The following GRIA2 variants were observed in gnomAD, a reference collection of about 807,000 sequenced individuals.
GRIA2 encodes glutamate ionotropic receptor AMPA type subunit 2.
A neutral mutation model predicts 97.3 loss-of-function variants in GRIA2; 14 were observed. The ratio of observed to expected loss-of-function variants is 0.14; its 90% confidence interval spans 0.10 to 0.23. GRIA2 has a LOEUF of 0.23. Ranked by LOEUF, GRIA2 falls within the 10% of genes least tolerant of loss-of-function variation. The pLI is 1.00. For synonymous variants in GRIA2, 412 were observed against 387.8 expected, an observed-to-expected ratio of 1.06 and a Z score of -0.73; for missense variants, 558 against 1,069.8, an observed-to-expected ratio of 0.52 and a Z score of 6.67.
chr4:157,352,920 G>T (rs540311004), intron 12 of GRIA2, among the ~76,000 whole-genome samples: 1 of 151,982 alleles, frequency 6.6e-6, no homozygotes, highest in African/African-American at 2.4e-5. Flanking sequence ...TTAGTTAGGC[G>T]TGTTGGCGGG....
chr4:157,268,681 G>T (rs1731878420), intron 2 of GRIA2, among the ~76,000 whole-genome samples: 1 of 151,764 alleles, frequency 6.6e-6, no homozygotes, highest in African/African-American at 2.4e-5. Context: ...TAATTTATTT[G>T]TATTGGTTTC....
chr4:157,342,836 C>G (rs1173005282), intron 12 of GRIA2, among the ~76,000 whole-genome samples: 2 of 152,086 alleles, frequency 1.3e-5, no homozygotes, highest in Non-Finnish European at 2.9e-5. Context: ...TTTTCAGACT[C>G]TCTCTTCCAG....
At chr4:157,266,522 G>A (rs935655382) in intron 2 of GRIA2, among the ~76,000 whole-genome samples, 47 of 152,086 alleles carry the variant, frequency 3.1e-4, no homozygotes, top group Non-Finnish European at 7.4e-5. Flanking sequence ...CTGCTGAGAG[G>A]TCAGTTTGTT....
chr4:157,336,790 A>C, intron 11 of GRIA2, 43 bp downstream of exon 11: 1 of 1,567,132 alleles, frequency 6.4e-7, no homozygotes, highest in Non-Finnish European at 8.7e-7. Flanking sequence ...TTCAGGTCTC[A>C]AGTGGACATT....
chr4:157,274,366 CT>C (rs199772604), intron 2 of GRIA2, among the ~76,000 whole-genome samples: 6 of 149,246 alleles, frequency 4.0e-5, no homozygotes, highest in South Asian at 4.3e-4. Flanking sequence ...TTTCTTTTTT[CT>C]TTTTTTTTAA....
Position 157,321,314 on chromosome 4 carries a change from G to C in GRIA2, c.721-124G>C, listed in dbSNP as rs1579361122. On this transcript the variant is annotated intron_variant, in intron 5 of 15. Coordinates refer to ENST00000264426, the MANE Select transcript of GRIA2 (RefSeq NM_001083619.3). The stretch of plus-strand genomic sequence containing the variant: ...TAAATACATGGGACATTTTCTGCAG[G>C]CTTATTATATCTCATATGTTCTTTG... 4 of 680,580 alleles carry C rather than the reference G, an allele frequency of 5.9e-6. No individual in the cohort carries two copies. In the Admixed American group the frequency reaches 7.8e-5, roughly 13 times the overall value. 42.2% of individuals were successfully genotyped at this position (680,580 alleles called of 1,614,324 possible).
At chr4:157,276,080 G>A (rs4428332) in intron 2 of GRIA2, among the ~76,000 whole-genome samples, 27,842 of 151,758 alleles carry the variant, frequency 0.18, 2,720 homozygotes, top group African/African-American at 0.24. Context: ...GGTCCTTCAC[G>A]TCCCTTGTAA....
chr4:157,363,163 C>G, intron 15 of GRIA2, 116 bp downstream of exon 15: 1 of 1,122,834 alleles, frequency 8.9e-7, no homozygotes, highest in Non-Finnish European at 1.3e-6. Flanking sequence ...GTATTGTTGA[C>G]GTTCTTCCAT....
At chr4:157,275,803 G>T (rs1732277911) in intron 2 of GRIA2, among the ~76,000 whole-genome samples, 1 of 151,972 alleles carries the variant, frequency 6.6e-6, no homozygotes, top group East Asian at 1.9e-4. Flanking sequence ...CAGGTAGCGT[G>T]ATGCCTCCAG....
upstream of GRIA2, chr4:157,220,673 T>TGTGTGTGTGC (rs2126666684): frequency 4.9e-6 from 1 of 205,884 alleles, no homozygotes; most frequent in East Asian, 1.3e-4. Flanking sequence ...TGTGTGTGTG[T>TGTGTGTGTGC]GCGCGCGCGC....
intron 6 of GRIA2, among the ~76,000 whole-genome samples, chr4:157,326,252 G>A (rs947008111): frequency 1.3e-5 from 2 of 152,156 alleles, no homozygotes; most frequent in East Asian, 3.9e-4. Context: ...GAAGGCAATA[G>A]TAGGCTATGT....
At chr4:157,314,409 A>G (rs903920155) in intron 4 of GRIA2, among the ~76,000 whole-genome samples, 2 of 152,196 alleles carry the variant, frequency 1.3e-5, no homozygotes, top group African/African-American at 4.8e-5. Flanking sequence ...TGTTATGCAA[A>G]AGAACTAAAT....
At chr4:157,344,760 G>A (rs62331558) in intron 12 of GRIA2, among the ~76,000 whole-genome samples, 3,680 of 151,860 alleles carry the variant, frequency 0.024, 61 homozygotes, top group Non-Finnish European at 0.035. Flanking sequence ...GTTGGTTTTC[G>A]TCATAGCCAG....
chr4:157,240,755 T>A (rs538936295), intron 2 of GRIA2, among the ~76,000 whole-genome samples: 3 of 151,978 alleles, frequency 2.0e-5, no homozygotes, highest in African/African-American at 7.2e-5. Context: ...CATGTGCACA[T>A]TGTGCAGGTT....
At chr4:157,281,808 A>G (rs1406501013) in intron 2 of GRIA2, among the ~76,000 whole-genome samples, 1 of 152,144 alleles carries the variant, frequency 6.6e-6, no homozygotes, top group Non-Finnish European at 1.5e-5. Context: ...AATGTGAAAC[A>G]CTAAATCTTC....
At chr4:157,231,844 AT>A (rs1445936170) in intron 2 of GRIA2, among the ~76,000 whole-genome samples, 1 of 152,168 alleles carries the variant, frequency 6.6e-6, no homozygotes, top group African/African-American at 2.4e-5. Context: ...AAATTAAAAT[AT>A]TTTTAGTGTT....
chr4:157,346,027 T>C (rs1475399301), intron 12 of GRIA2, among the ~76,000 whole-genome samples: 1 of 152,156 alleles, frequency 6.6e-6, no homozygotes, highest in Non-Finnish European at 1.5e-5. Context: ...CTGCTGTTAC[T>C]TACCAGTGAA....
intron 13 of GRIA2, 47 bp downstream of exon 13, chr4:157,360,190 C>T (rs760178737): frequency 1.3e-6 from 2 of 1,577,046 alleles, no homozygotes; most frequent in Non-Finnish European, 1.7e-6. Context: ...TATAGTATCC[C>T]ACCTACCCTG....
At chr4:157,335,550 C>G in intron 9 of GRIA2, 121 bp from the exon 10 acceptor site, 1 of 662,946 alleles carries the variant, frequency 1.5e-6, no homozygotes, top group Admixed American at 2.3e-5. Context: ...GTGTGTTCAC[C>G]ATCTATATTC....
Sources: allele counts gnomAD v4.1 joint callset (sites outside exome capture counted in the v4.1 genomes callset), GRCh38; gene constraint gnomAD v4.1.1; transcripts MANE v1.5; gene names NCBI Gene and HGNC (gene_info 2026-07-23, HGNC 2026-07-21).